The following CACNA2D4 variants were observed in gnomAD, a reference collection of about 807,000 sequenced individuals.
CACNA2D4 encodes voltage-dependent calcium channel subunit alpha-2/delta-4.
In CACNA2D4, 157 loss-of-function variants were observed where a neutral mutation model predicts 163.8. The observed-to-expected ratio is 0.96, with a 90% CI of 0.84 to 1.09. CACNA2D4 has a LOEUF of 1.09. Among genes scored for constraint, CACNA2D4 ranks in the 50% least tolerant of loss-of-function variants. The pLI is 0.00. For missense variants in CACNA2D4, 1,410 were observed against 1,479.9 expected, an observed-to-expected ratio of 0.95 and a Z score of 0.78; for synonymous variants, 598 against 586.9, an observed-to-expected ratio of 1.02 and a Z score of -0.27.
intron 35 of CACNA2D4, among the ~76,000 whole-genome samples, chr12:1,796,381 C>G (rs1207845861): frequency 1.3e-5 from 2 of 152,266 alleles, no homozygotes; most frequent in East Asian, 3.8e-4. Context: ...TCAGCCTTCA[C>G]GGCTCTGTAT....
intron 29 of CACNA2D4, among the ~76,000 whole-genome samples, chr12:1,809,202 T>A (rs561306563): frequency 6.6e-6 from 1 of 152,250 alleles, no homozygotes; most frequent in Non-Finnish European, 1.5e-5. Flanking sequence ...TTCCGACGAC[T>A]TCTTTGGATC....
chr12:1,838,502 G>A (rs532447834), intron 26 of CACNA2D4, among the ~76,000 whole-genome samples: 70 of 152,350 alleles, frequency 4.6e-4, no homozygotes, highest in Admixed American at 1.4e-3. Flanking sequence ...GGGAGAGGAA[G>A]TGGCAGAAGG....
chr12:1,800,158 A>G, intron 32 of CACNA2D4, 106 bp from the exon 33 acceptor site: 1 of 1,169,998 alleles, frequency 8.5e-7, no homozygotes, highest in Non-Finnish European at 1.2e-6. Context: ...CCTCTCCTCC[A>G]GGACACCCTC....
chr12:1,873,117 G>T (rs552044557), intron 18 of CACNA2D4, among the ~76,000 whole-genome samples: 28 of 152,298 alleles, frequency 1.8e-4, no homozygotes, highest in Admixed American at 6.5e-4. Flanking sequence ...TGTTCAATGA[G>T]TGAATACTTG....
rs191419882 is a variant in CACNA2D4, at chr12:1,825,395, C to G, written c.2552-13672G>C. On this transcript the variant is annotated intron_variant, in intron 26 of 37. Coordinates refer to ENST00000382722, the MANE Select transcript of CACNA2D4 (RefSeq NM_172364.5). ...GGAGCAGACACCTGGATGGGGAATCCGGCCTCAACATGGGCCCTGGGCAGA... is the reference window on the plus strand; with the variant it reads ...GGAGCAGACACCTGGATGGGGAATCGGGCCTCAACATGGGCCCTGGGCAGA... Among the ~76,000 whole-genome samples, 6 of 152,196 alleles carry G rather than the reference C, an allele frequency of 3.9e-5. No homozygotes were observed. The South Asian group carries it at 8.3e-4, about 21-fold the overall frequency.
At chr12:1,825,976 G>C (rs1189485297) in intron 26 of CACNA2D4, among the ~76,000 whole-genome samples, 1 of 152,246 alleles carries the variant, frequency 6.6e-6, no homozygotes, top group Non-Finnish European at 1.5e-5. Flanking sequence ...GAGGGACAGA[G>C]AGCGTGCACG....
chr12:1,827,030 C>T (rs768717611), intron 26 of CACNA2D4, among the ~76,000 whole-genome samples: 3 of 152,226 alleles, frequency 2.0e-5, no homozygotes, highest in African/African-American at 7.2e-5. Context: ...AATCTGGCAA[C>T]CAAGGAAGGT....
rs1370271024 is a variant in CACNA2D4, at chr12:1,799,162, A to G, written c.2995+513T>C. 2.0e-5 allele frequency among the ~76,000 whole-genome samples: 3 copies of G among 152,352 alleles called. No individual in the cohort carries two copies. Among genetic ancestry groups the G allele is most frequent in the Admixed American group, 2.0e-4 (3 of 15,310 alleles). On this transcript the variant is annotated intron_variant, in intron 34 of 37. Coordinates refer to ENST00000382722, the MANE Select transcript of CACNA2D4 (RefSeq NM_172364.5). This position sits in a 1 kb window ranked among gnomAD's most constrained non-coding sequence, Gnocchi z 4.7. ...CGGGCAGTGAGTGCTTTGAAAGGCC[A>G]GGCTCATTGCCGCCCTGCACGTGTG... is the stretch of plus-strand genomic sequence containing the variant.
In CACNA2D4 at chr12:1,834,313, G is replaced by A. The variant is rs774981705; in HGVS notation, c.2551+6426C>T. 1.2e-6 allele frequency: 2 copies of A among 1,608,226 alleles called. No homozygotes were observed. Among genetic ancestry groups the A allele is most frequent in the South Asian group, 1.1e-5 (1 of 90,374 alleles). ...CCTGCACCCTGCCCAAGGAGCTGAG[G>A]GGGAAGGACATGCGGATGGTCCCCA... On this transcript the variant is annotated intron_variant, in intron 26 of 37. Coordinates refer to ENST00000382722, the MANE Select transcript of CACNA2D4 (RefSeq NM_172364.5). This position sits in a 1 kb window ranked among gnomAD's most constrained non-coding sequence, Gnocchi z 7.6.
In CACNA2D4 at chr12:1,883,173, C is replaced by T. The variant is rs929206184; in HGVS notation, c.1352-173G>A. Among the ~76,000 whole-genome samples the T allele has an allele frequency of 3.3e-5, 5 of 152,188 alleles. No homozygotes were observed. The highest frequency in any genetic ancestry group is 1.2e-4 in the African/African-American group (5 of 41,450). ...GTTGTGTCCTTTACCCAGGGGCAGC[C>T]GCAGGCCAGTGGGAGGCCAAGGCTC... is the stretch of plus-strand genomic sequence containing the variant. On this transcript the variant is annotated intron_variant, in intron 12 of 37. Coordinates refer to ENST00000382722, the MANE Select transcript of CACNA2D4 (RefSeq NM_172364.5). This position sits in a 1 kb window ranked among gnomAD's most constrained non-coding sequence, Gnocchi z 4.5.
chr12:1,911,257 G>A (rs1370670098), intron 3 of CACNA2D4, among the ~76,000 whole-genome samples: 1 of 152,048 alleles, frequency 6.6e-6, no homozygotes, highest in East Asian at 1.9e-4. Context: ...TCTTGACCTC[G>A]TGATCTGCCG....
Position 1,793,460 on chromosome 12 carries a change from G to A in CACNA2D4, c.*195C>T, listed in dbSNP as rs1018003780. ...GGTACCGGGCACCATGAAGCATCTTGAAAGTGGTGCCAGGTGATTGGTTTC... is the reference window on the plus strand; with the variant it reads ...GGTACCGGGCACCATGAAGCATCTTAAAAGTGGTGCCAGGTGATTGGTTTC... On this transcript the variant is annotated 3_prime_UTR_variant, in exon 38 of 38. Transcript: ENST00000382722. 4.8e-6 allele frequency: 3 copies of A among 631,140 alleles called. No homozygotes were observed. In the African/African-American group the frequency reaches 5.4e-5, roughly 11 times the overall value. 39.1% of individuals were successfully genotyped at this position (631,140 alleles called of 1,614,324 possible). A position where few individuals can be genotyped will look rare whatever the true frequency, so the allele number is the denominator to read the frequency against.
chr12:1,807,264 G>T (rs1216026200), intron 29 of CACNA2D4, among the ~76,000 whole-genome samples: 1 of 151,606 alleles, frequency 6.6e-6, no homozygotes, highest in Admixed American at 6.6e-5. Flanking sequence ...AGCCCTGGAG[G>T]ACCTCAATGC....
chr12:1,834,897 A>G lies in CACNA2D4; in HGVS notation c.2551+5842T>C. The G allele has an allele frequency of 7.9e-7, 1 of 1,262,522 alleles. No homozygotes were observed. The highest frequency in any genetic ancestry group is 1.5e-5 in the African/African-American group (1 of 66,500). The allele number at this position is 1,262,522 out of a possible 1,614,324, so 78.2% of individuals were successfully genotyped here. ...TCCCTGCACTTTCGAGGCTCCCTGA[A>G]AGCCACCGTGCTGGGGGCTCCTGCT... is the stretch of plus-strand genomic sequence containing the variant. On this transcript the variant is annotated intron_variant, in intron 26 of 37. Coordinates refer to ENST00000382722, the MANE Select transcript of CACNA2D4 (RefSeq NM_172364.5). This position sits in a 1 kb window ranked among gnomAD's most constrained non-coding sequence, Gnocchi z 7.6.
chr12:1,898,588 G>A (rs1866461042), intron 6 of CACNA2D4, among the ~76,000 whole-genome samples: 1 of 151,750 alleles, frequency 6.6e-6, no homozygotes, highest in Non-Finnish European at 1.5e-5. Flanking sequence ...TAAACAAAAA[G>A]AAAACTGCAG....
chr12:1,858,928 G>C (rs1380632284), intron 19 of CACNA2D4, among the ~76,000 whole-genome samples: 1 of 152,134 alleles, frequency 6.6e-6, no homozygotes, highest in Admixed American at 6.5e-5. Flanking sequence ...GGGACACCCT[G>C]AAACTCACAG....
intron 29 of CACNA2D4, among the ~76,000 whole-genome samples, chr12:1,808,107 A>C (rs1448620372): frequency 6.6e-6 from 1 of 152,194 alleles, no homozygotes; most frequent in East Asian, 1.9e-4. Context: ...TCTGGACAGA[A>C]TAGGACCAAA....
chr12:1,850,881 CAA>C (rs3078857), intron 23 of CACNA2D4, among the ~76,000 whole-genome samples: 69,706 of 130,660 alleles, frequency 0.53, 18,877 homozygotes, highest in Non-Finnish European at 0.63. Flanking sequence ...GACTCCGTCT[CAA>C]AAAAAAAAAA....
intron 6 of CACNA2D4, among the ~76,000 whole-genome samples, chr12:1,890,491 T>C (rs774071318): frequency 6.6e-6 from 1 of 152,036 alleles, no homozygotes; most frequent in Non-Finnish European, 1.5e-5. Context: ...GAAGACAAAA[T>C]CCTCCATGTA....
Sources: allele counts gnomAD v4.1 joint callset (sites outside exome capture counted in the v4.1 genomes callset), GRCh38; gene constraint gnomAD v4.1.1; non-coding constraint Gnocchi (gnomAD v3.1); transcripts MANE v1.5; gene names NCBI Gene and HGNC (gene_info 2026-07-23, HGNC 2026-07-21).